Variants in FRS2 observed in about 807,000 individuals in gnomAD.
FRS2 encodes the protein FGFR signalling adaptor.
A neutral mutation model predicts 43.9 loss-of-function variants in FRS2; 8 were observed. That is an observed-to-expected ratio of 0.18 (90% CI 0.11 to 0.33). The LOEUF (loss-of-function observed/expected upper bound fraction) is 0.33, where lower values mean the gene tolerates loss of function less well. Among genes scored for constraint, FRS2 ranks in the 10% least tolerant of loss-of-function variants. The probability of loss-of-function intolerance (pLI) is 1.00; values close to 1 mark genes in which losing one functional copy is unlikely to be tolerated. For synonymous variants in FRS2, 219 were observed against 220.3 expected (o/e 0.99, Z 0.05); for missense variants, 534 against 627.6 (o/e 0.85, Z 1.59).
rs143785833 is a variant in FRS2, at chr12:69,471,155, C to A, written c.-261+625C>A. 3.8e-3 allele frequency among the ~76,000 whole-genome samples: 576 copies of A among 152,164 alleles called. 4 individuals carry two copies. The highest frequency in any genetic ancestry group is 6.1e-3 in the Non-Finnish European group (415 of 67,996). ...CAGCATGCTCTGTATCATCTTTACT[C>A]ACTTGAAAGCTTGCTGAAGCTGTTG... On this transcript the variant is annotated intron_variant, in intron 1 of 8. Coordinates refer to ENST00000549921, the MANE Select transcript of FRS2 (RefSeq NM_001278356.2).
chr12:69,482,243 A>G (rs900970045), intron 1 of FRS2, among the ~76,000 whole-genome samples: 1 of 152,240 alleles, frequency 6.6e-6, no homozygotes, highest in African/African-American at 2.4e-5. Context: ...GGTGACAAAG[A>G]TTAGTGAGGC....
intron 4 of FRS2, 57 bp downstream of exon 4, chr12:69,562,331 T>G: frequency 2.5e-6 from 1 of 397,698 alleles, no homozygotes; most frequent in Non-Finnish European, 4.4e-6. Flanking sequence ...CAATTATTTT[T>G]TATTTTTATT....
intron 3 of FRS2, among the ~76,000 whole-genome samples, chr12:69,541,117 A>G (rs1234220880): frequency 6.6e-6 from 1 of 152,200 alleles, no homozygotes; most frequent in Non-Finnish European, 1.5e-5. Flanking sequence ...TTTTAAACCT[A>G]GAAGTCACAT....
intron 1 of FRS2, among the ~76,000 whole-genome samples, chr12:69,503,698 G>A (rs1320673850): frequency 6.6e-6 from 1 of 152,142 alleles, no homozygotes; most frequent in Non-Finnish European, 1.5e-5. Flanking sequence ...TGCTGAAGTT[G>A]TGAAATAGTG....
chr12:69,572,790 T>C (rs1403925518), intron 8 of FRS2, among the ~76,000 whole-genome samples: 1 of 152,216 alleles, frequency 6.6e-6, no homozygotes, highest in Admixed American at 6.5e-5. Context: ...TTTTTAGTGT[T>C]TTTAAAATCA....
chr12:69,488,208 T>C (rs1020013754), intron 1 of FRS2, among the ~76,000 whole-genome samples: 32 of 152,298 alleles, frequency 2.1e-4, no homozygotes, highest in Admixed American at 2.1e-3. Context: ...TGCAGTAAAT[T>C]AGCACCACAT....
At position 69,571,230 on chromosome 12, in the gene FRS2, T is replaced by G. The variant is rs61759366; in HGVS notation, c.254-46T>G. ...TTTGTCAAGTGTTCCTATAGTTTTTTTTAAAGGTATGTTAACTATTTTTCC... is the reference window on the plus strand; with the variant it reads ...TTTGTCAAGTGTTCCTATAGTTTTTGTTAAAGGTATGTTAACTATTTTTCC... On this transcript the variant is annotated intron_variant, in intron 6 of 8. Coordinates refer to ENST00000549921, the MANE Select transcript of FRS2 (RefSeq NM_001278356.2). 3,480 of 1,346,498 alleles carry G rather than the reference T, an allele frequency of 2.6e-3. 69 individuals carry two copies. In the African/African-American group the frequency reaches 0.043, roughly 17 times the overall value. The allele number at this position is 1,346,498 out of a possible 1,614,324, so 83.4% of individuals were successfully genotyped here. A position where few individuals can be genotyped will look rare whatever the true frequency, so the allele number is the denominator to read the frequency against.
rs12424061 is a variant in FRS2 at position 69,574,973 on chromosome 12, T to G, written c.*18T>G. ...CCATGTGAGCCTGGAAAGCATTGTG[T>G]TGTTTGCACCTTTGTGAAGTTTTTA... On this transcript the variant is annotated 3_prime_UTR_variant, in exon 9 of 9. Coordinates refer to ENST00000549921, the MANE Select transcript of FRS2 (RefSeq NM_001278356.2). 3,842 of 1,497,074 alleles carry G rather than the reference T, an allele frequency of 2.6e-3. 67 individuals carry two copies. The Admixed American group carries it at 0.036, about 14-fold the overall frequency. The allele number at this position is 1,497,074 out of a possible 1,614,324, so 92.7% of individuals were successfully genotyped here. A position where few individuals can be genotyped will look rare whatever the true frequency, so the allele number is the denominator to read the frequency against.
chr12:69,509,334 C>G (rs1874246021), intron 1 of FRS2, among the ~76,000 whole-genome samples: 1 of 152,180 alleles, frequency 6.6e-6, no homozygotes, highest in Admixed American at 6.6e-5. Flanking sequence ...TTCAGCCAGT[C>G]ATATGGTTTC....
At position 69,574,409 on chromosome 12, in the gene FRS2, C is replaced by T; in HGVS notation, c.981C>T (p.Ser327=). 6.2e-7 allele frequency: 1 copy of T among 1,613,862 alleles called. No individual in the cohort carries two copies. Among genetic ancestry groups the T allele is most frequent in the Middle Eastern group, 1.6e-4 (1 of 6,062 alleles). ...GGGTCAGGAGAGGTCGTCTGACATC[C>T]ACCAGTACCTCAGATACCCAGAATA... ...ASGVRRGRLT[S]TSTSDTQNIN... is the part of the protein sequence containing the mutation. The change falls in exon 9 of 9, where the codon TCC becomes TCT. Residue 327 remains serine, a synonymous_variant. Transcript: ENST00000549921.
At chr12:69,505,192 G>A (rs1873815089) in intron 1 of FRS2, among the ~76,000 whole-genome samples, 1 of 152,154 alleles carries the variant, frequency 6.6e-6, no homozygotes, top group African/African-American at 2.4e-5. Flanking sequence ...TCTAAAAACT[G>A]AATATCACAT....
chr12:69,570,531 T>G lies in FRS2; in HGVS notation c.253+14T>G. ...AAACTGGACAAGGTAGAACCTTTGT[T>G]TTTTTTCCCAAATATTGTATTTGAA... is the stretch of plus-strand genomic sequence containing the variant. On this transcript the variant is annotated intron_variant, in intron 6 of 8. Coordinates refer to ENST00000549921, the MANE Select transcript of FRS2 (RefSeq NM_001278356.2). 1 of 1,514,650 alleles carries G rather than the reference T, an allele frequency of 6.6e-7. No homozygotes were observed. The highest frequency in any genetic ancestry group is 2.3e-5 in the East Asian group (1 of 44,340). 93.8% of individuals were successfully genotyped at this position (1,514,650 alleles called of 1,614,324 possible). A position where few individuals can be genotyped will look rare whatever the true frequency, so the allele number is the denominator to read the frequency against.
intron 4 of FRS2, among the ~76,000 whole-genome samples, chr12:69,567,720 T>C (rs1481451515): frequency 6.6e-6 from 1 of 152,136 alleles, no homozygotes; most frequent in African/African-American, 2.4e-5. Context: ...TTGAGTTGAA[T>C]CTTGAGAAAG....
chr12:69,493,451 T>C (rs780146488), intron 1 of FRS2, among the ~76,000 whole-genome samples: 2 of 152,252 alleles, frequency 1.3e-5, no homozygotes, highest in Non-Finnish European at 2.9e-5. Context: ...CCGGGCGCGA[T>C]GGCTCACGCC....
intron 4 of FRS2, 31 bp from the exon 5 acceptor site, chr12:69,568,969 CATCTA>C (rs1204212336): frequency 1.0e-6 from 1 of 988,144 alleles, no homozygotes; most frequent in East Asian, 2.5e-5. Context: ...TTGTATCCTT[CATCTA>C]ATAAATTTTT....
chr12:69,569,242 T>C (rs1450781821), intron 5 of FRS2, 146 bp downstream of exon 5: 2 of 555,086 alleles, frequency 3.6e-6, no homozygotes, highest in Non-Finnish European at 6.4e-6. Flanking sequence ...ATTTAATAAA[T>C]GATGACAACA....
chr12:69,534,685 A>G (rs982116732), intron 3 of FRS2, among the ~76,000 whole-genome samples: 6 of 152,198 alleles, frequency 3.9e-5, no homozygotes, highest in Non-Finnish European at 5.9e-5. Context: ...TCCTAATCAC[A>G]TGCTCACAAA....
intron 1 of FRS2, among the ~76,000 whole-genome samples, chr12:69,527,342 G>GTTTTTTTTTTTTTTTT (rs1294936661): frequency 3.0e-5 from 1 of 33,148 alleles, no homozygotes; most frequent in Non-Finnish European, 5.1e-5. Context: ...TTTTTTTAAT[G>GTTTTTTTTTTTTTTTT]ATTTTTTTTT....
intron 1 of FRS2, among the ~76,000 whole-genome samples, chr12:69,490,108 A>G (rs1872331539): frequency 6.6e-6 from 1 of 151,648 alleles, no homozygotes; most frequent in East Asian, 1.9e-4. Flanking sequence ...TAAATACACT[A>G]CTCTTTATGT....
Sources: gnomAD v4.1 joint callset for allele counts (sites outside exome capture counted in the v4.1 genomes callset) on GRCh38, gnomAD v4.1.1 for gene constraint, MANE v1.5 for transcripts, NCBI Gene and HGNC (gene_info 2026-07-23, HGNC 2026-07-21) for gene names.